The following PDE11A variants were observed in gnomAD, a reference collection of about 807,000 sequenced individuals.
PDE11A encodes phosphodiesterase 11A.
A neutral mutation model predicts 100.5 loss-of-function variants in PDE11A; 100 were observed. The observed-to-expected ratio is 1.00, with a 90% CI of 0.85 to 1.18. The LOEUF is 1.18. Ranked by LOEUF, PDE11A falls within the 50% of genes most tolerant of loss-of-function variation. The pLI is 0.00. For missense variants in PDE11A, 1,141 were observed against 1,152.6 expected (o/e 0.99, Z 0.15); for synonymous variants, 381 against 420.8 (o/e 0.91, Z 1.16).
chr2:178,014,920 T>C (rs1167588641), intron 1 of PDE11A, among the ~76,000 whole-genome samples: 1 of 152,016 alleles, frequency 6.6e-6, no homozygotes, highest in East Asian at 1.9e-4. Context: ...TTCAAAATCC[T>C]CCCAAAAAGA....
chr2:177,821,698 G>C (rs2083144070), intron 6 of PDE11A, among the ~76,000 whole-genome samples: 1 of 151,838 alleles, frequency 6.6e-6, no homozygotes, highest in Admixed American at 6.6e-5. Flanking sequence ...CCTTGTGAAA[G>C]TAATTTGATT....
chr2:177,865,411 G>A (rs80278392), intron 5 of PDE11A, among the ~76,000 whole-genome samples: 2,879 of 152,270 alleles, frequency 0.019, 53 homozygotes, highest in South Asian at 0.046. Context: ...TTGCTGGTGC[G>A]AATGTAAAAT....
intron 5 of PDE11A, among the ~76,000 whole-genome samples, chr2:177,855,902 C>G: frequency 1.1e-5 from 1 of 92,332 alleles, no homozygotes; most frequent in South Asian, 4.6e-4. Flanking sequence ...AGAACGTATG[C>G]AACACACACA....
intron 2 of PDE11A, among the ~76,000 whole-genome samples, chr2:178,010,178 C>T (rs2086259337): frequency 6.6e-6 from 1 of 152,182 alleles, no homozygotes; most frequent in African/African-American, 2.4e-5. Flanking sequence ...GAAGGTCACT[C>T]AGTTAATAAG....
chr2:177,835,866 T>C (rs978469709), intron 6 of PDE11A, among the ~76,000 whole-genome samples: 4 of 152,304 alleles, frequency 2.6e-5, no homozygotes, highest in Admixed American at 1.3e-4. Flanking sequence ...GCCGGCCCAC[T>C]GGCGCTGCGC....
intron 10 of PDE11A, among the ~76,000 whole-genome samples, chr2:177,732,047 T>C (rs997894104): frequency 6.6e-6 from 1 of 152,244 alleles, no homozygotes; most frequent in Non-Finnish European, 1.5e-5. Flanking sequence ...CTTTATTAAA[T>C]GATACCTAGA....
intron 2 of PDE11A, among the ~76,000 whole-genome samples, chr2:177,996,019 G>T (rs1479457350): frequency 6.6e-6 from 1 of 152,128 alleles, no homozygotes; most frequent in Non-Finnish European, 1.5e-5. Context: ...CTGAGGTTAG[G>T]AGTTCGAGAC....
At chr2:178,048,087 G>C (rs1179985280) in intron 1 of PDE11A, among the ~76,000 whole-genome samples, 1 of 152,214 alleles carries the variant, frequency 6.6e-6, no homozygotes, top group Non-Finnish European at 1.5e-5. Flanking sequence ...GAAGTAGATA[G>C]AGCAGCTGGG....
intron 1 of PDE11A, among the ~76,000 whole-genome samples, chr2:178,015,996 G>C (rs764044904): frequency 2.0e-5 from 3 of 151,912 alleles, no homozygotes; most frequent in Non-Finnish European, 4.4e-5. Context: ...TGCTATTCTC[G>C]CTCTGTCACC....
chr2:177,896,017 A>G (rs1474677117), intron 4 of PDE11A, among the ~76,000 whole-genome samples: 1 of 152,198 alleles, frequency 6.6e-6, no homozygotes, highest in African/African-American at 2.4e-5. Flanking sequence ...TTTTCCATCA[A>G]TATCACTTTG....
intron 12 of PDE11A, among the ~76,000 whole-genome samples, chr2:177,724,157 T>C (rs530673426): frequency 3.3e-5 from 5 of 152,124 alleles, no homozygotes; most frequent in Non-Finnish European, 7.4e-5. Flanking sequence ...ATTTTAACTA[T>C]CTAAATATCT....
intron 6 of PDE11A, among the ~76,000 whole-genome samples, chr2:177,829,581 C>A (rs1574187438): frequency 1.3e-5 from 2 of 151,144 alleles, no homozygotes; most frequent in South Asian, 2.1e-4. Context: ...GTAGTTGGGA[C>A]TACAGGCGTG....
intron 6 of PDE11A, among the ~76,000 whole-genome samples, chr2:177,822,759 T>C (rs887979723): frequency 2.6e-5 from 4 of 152,124 alleles, no homozygotes; most frequent in Admixed American, 2.0e-4. Flanking sequence ...AAATTTCTCT[T>C]AGCAAAGTTT....
At chr2:177,866,692 C>T (rs192988469) in intron 5 of PDE11A, among the ~76,000 whole-genome samples, 3 of 152,296 alleles carry the variant, frequency 2.0e-5, no homozygotes, top group Admixed American at 1.3e-4. Flanking sequence ...ATATTGTATT[C>T]GCTTGTACTA....
Position 177,626,466 on chromosome 2 carries a change from C to A in PDE11A, c.*2941G>T, listed in dbSNP as rs2079834951. The A allele has an allele frequency of 6.6e-6, 1 of 152,644 alleles. No individual in the cohort carries two copies. Among genetic ancestry groups the A allele is most frequent in the Non-Finnish European group, 1.5e-5 (1 of 68,060 alleles). 9.5% of individuals were successfully genotyped at this position (152,644 alleles called of 1,614,324 possible). ...GTGGCACATTACCCAGAAACACCTG[C>A]AGTGCTTCGGAGCTGCAGACACGTC... On this transcript the variant is annotated 3_prime_UTR_variant, in exon 20 of 20. Transcript: ENST00000286063.
intron 19 of PDE11A, among the ~76,000 whole-genome samples, chr2:177,641,797 C>CT (rs1364009511): frequency 6.6e-6 from 1 of 152,096 alleles, no homozygotes. Context: ...AAAAACATAT[C>CT]TTTTTTGTGT....
At chr2:177,998,633 A>T (rs772401881) in intron 2 of PDE11A, 3 of 1,291,400 alleles carry the variant, frequency 2.3e-6, no homozygotes, top group Non-Finnish European at 3.4e-6. Context: ...GAATAAATTG[A>T]GCTGCTAATC....
At chr2:177,776,979 A>G (rs534877615) in intron 9 of PDE11A, among the ~76,000 whole-genome samples, 2 of 152,210 alleles carry the variant, frequency 1.3e-5, no homozygotes, top group East Asian at 3.9e-4. Flanking sequence ...TGATGGTTTT[A>G]TAAGTGGCTT....
chr2:177,758,119 AC>A (rs1421193053), intron 10 of PDE11A, among the ~76,000 whole-genome samples: 66 of 149,734 alleles, frequency 4.4e-4, no homozygotes, highest in African/African-American at 1.5e-3. Flanking sequence ...ACACGGTGAA[AC>A]CCCATCTCTA....
Sources: gnomAD v4.1 joint callset for allele counts (sites outside exome capture counted in the v4.1 genomes callset) on GRCh38, gnomAD v4.1.1 for gene constraint, MANE v1.5 for transcripts, NCBI Gene and HGNC (gene_info 2026-07-23, HGNC 2026-07-21) for gene names.